Variants in PPP3CA observed in about 807,000 individuals in gnomAD.
PPP3CA encodes CAM-PRP catalytic subunit.
Under a neutral mutation model 66.5 loss-of-function variants are expected in PPP3CA, and 14 were observed. The ratio of observed to expected loss-of-function variants is 0.21; its 90% CI spans 0.14 to 0.33. The LOEUF is 0.33. Among genes scored for constraint, PPP3CA ranks in the 10% least tolerant of loss-of-function variants. The pLI, the probability that PPP3CA is intolerant of heterozygous loss-of-function variation, is 1.00. For synonymous variants in PPP3CA, 232 were observed against 226.2 expected (o/e 1.03, Z -0.23); for missense variants, 317 against 639.5 (o/e 0.50, Z 5.44).
intron 2 of PPP3CA, among the ~76,000 whole-genome samples, chr4:101,184,157 A>C (rs887277391): frequency 6.6e-6 from 1 of 152,198 alleles, no homozygotes; most frequent in African/African-American, 2.4e-5. Flanking sequence ...AGAGAAAGAA[A>C]TAGGTAGAGA....
At chr4:101,109,411 T>C (rs1721584798) in intron 2 of PPP3CA, among the ~76,000 whole-genome samples, 1 of 151,656 alleles carries the variant, frequency 6.6e-6, no homozygotes, top group Non-Finnish European at 1.5e-5. Context: ...TTTACACACA[T>C]TTTTTAATGT....
intron 8 of PPP3CA, among the ~76,000 whole-genome samples, chr4:101,078,172 T>TA (rs536850790): frequency 1.5e-4 from 23 of 152,250 alleles, no homozygotes; most frequent in African/African-American, 5.1e-4. Flanking sequence ...CTCATGTTTA[T>TA]AAAAAATATA....
At chr4:101,325,724 C>T (rs1289072304) in intron 1 of PPP3CA, among the ~76,000 whole-genome samples, 2 of 152,152 alleles carry the variant, frequency 1.3e-5, no homozygotes, top group Admixed American at 1.3e-4. Context: ...AATATGGCTT[C>T]TACTGCTCAC....
chr4:101,217,170 G>A (rs1014160804), intron 1 of PPP3CA, among the ~76,000 whole-genome samples: 4 of 152,086 alleles, frequency 2.6e-5, no homozygotes, highest in African/African-American at 4.8e-5. Context: ...TATCCCTGGA[G>A]CACTTTACTC....
At chr4:101,346,224 T>C (rs1729988919) in intron 1 of PPP3CA, among the ~76,000 whole-genome samples, 1 of 151,606 alleles carries the variant, frequency 6.6e-6, no homozygotes, top group Non-Finnish European at 1.5e-5. Flanking sequence ...AGGGAATTGC[T>C]GCAATGGAGC....
At chr4:101,098,149 G>T (rs534746901) in intron 5 of PPP3CA, among the ~76,000 whole-genome samples, 3 of 152,108 alleles carry the variant, frequency 2.0e-5, no homozygotes, top group East Asian at 1.9e-4. Context: ...ATGTCAGATG[G>T]TAAGACCAAC....
intron 1 of PPP3CA, among the ~76,000 whole-genome samples, chr4:101,339,337 T>C (rs1729735279): frequency 6.6e-6 from 1 of 152,212 alleles, no homozygotes; most frequent in Non-Finnish European, 1.5e-5. Context: ...GTGATTAACA[T>C]ATTTTTTCTC....
chr4:101,300,438 A>C (rs2110298458), intron 1 of PPP3CA, among the ~76,000 whole-genome samples: 1 of 152,342 alleles, frequency 6.6e-6, no homozygotes, highest in African/African-American at 2.4e-5. Flanking sequence ...CCGGTGCAAC[A>C]CCATTAATAT....
intron 2 of PPP3CA, among the ~76,000 whole-genome samples, chr4:101,122,808 T>C (rs1044371356): frequency 6.6e-6 from 1 of 152,080 alleles, no homozygotes; most frequent in African/African-American, 2.4e-5. Flanking sequence ...ATTCCTGTAA[T>C]GTTTAGGAAG....
rs550901784 is a variant in PPP3CA at position 101,127,886 on chromosome 4, T to C, written c.260-18808A>G. On this transcript the variant is annotated intron_variant, in intron 2 of 13. Transcript: ENST00000394854. ...CAAGTATTTATCATCATTTCCCAGA[T>C]GGAGAATTGAGAAAGATTAAGCAAT... is the stretch of plus-strand genomic sequence containing the variant. Among the ~76,000 whole-genome samples, 5 of 152,324 alleles carry C rather than the reference T, an allele frequency of 3.3e-5. No homozygotes were observed. The South Asian group carries it at 1.0e-3, about 32-fold the overall frequency.
At chr4:101,063,821 TA>T (rs112917314) in intron 8 of PPP3CA, among the ~76,000 whole-genome samples, 1 of 151,972 alleles carries the variant, frequency 6.6e-6, no homozygotes, top group Admixed American at 6.6e-5. Flanking sequence ...TAGATTGCTT[TA>T]ATTTTTACTT....
At chr4:101,164,562 G>GTTT (rs36078367) in intron 2 of PPP3CA, among the ~76,000 whole-genome samples, 64,956 of 141,930 alleles carry the variant, frequency 0.46, 17,034 homozygotes, top group Middle Eastern at 0.62. Flanking sequence ...TGGGATTTAA[G>GTTT]TTTTTTTTTT....
chr4:101,294,615 A>C (rs1421239364), intron 1 of PPP3CA, among the ~76,000 whole-genome samples: 2 of 152,224 alleles, frequency 1.3e-5, no homozygotes, highest in African/African-American at 4.8e-5. Flanking sequence ...TAATCATAAA[A>C]AATACATTAT....
chr4:101,341,623 T>C (rs533326442), intron 1 of PPP3CA, among the ~76,000 whole-genome samples: 239 of 152,286 alleles, frequency 1.6e-3, no homozygotes, highest in Non-Finnish European at 2.4e-3. Context: ...CATTTGATTA[T>C]CCTTCGGTCC....
intron 2 of PPP3CA, among the ~76,000 whole-genome samples, chr4:101,195,187 G>C (rs1724746521): frequency 6.7e-6 from 1 of 149,732 alleles, no homozygotes; most frequent in Non-Finnish European, 1.5e-5. Flanking sequence ...AGAATTGCTT[G>C]AACCCAGGAG....
intron 1 of PPP3CA, among the ~76,000 whole-genome samples, chr4:101,290,285 G>A (rs1017041241): frequency 1.9e-4 from 29 of 152,132 alleles, no homozygotes; most frequent in Admixed American, 1.7e-3. Context: ...GACTTTATCT[G>A]GTGCAGTCCC....
At chr4:101,142,820 C>A (rs2110292666) in intron 2 of PPP3CA, among the ~76,000 whole-genome samples, 1 of 152,318 alleles carries the variant, frequency 6.6e-6, no homozygotes. Context: ...CATTTTTCCA[C>A]AGCAAGGCAG....
chr4:101,088,120 GTC>G (rs529385850), intron 6 of PPP3CA, among the ~76,000 whole-genome samples: 12 of 151,974 alleles, frequency 7.9e-5, no homozygotes, highest in African/African-American at 2.7e-4. Context: ...CAGATTGTCT[GTC>G]TCTCTCTCCC....
At chr4:101,298,084 C>A (rs1728250932) in intron 1 of PPP3CA, among the ~76,000 whole-genome samples, 1 of 151,970 alleles carries the variant, frequency 6.6e-6, no homozygotes, top group Non-Finnish European at 1.5e-5. Flanking sequence ...TCCAGAGATT[C>A]CTCTCAGTTC....
Sources: allele counts gnomAD v4.1 joint callset (sites outside exome capture counted in the v4.1 genomes callset), GRCh38; gene constraint gnomAD v4.1.1; transcripts MANE v1.5; gene names NCBI Gene and HGNC (gene_info 2026-07-23, HGNC 2026-07-21).